Variants in NOL10 observed in about 807,000 individuals in gnomAD.
The protein encoded by NOL10 is H_NH0074G24.1.
A neutral mutation model predicts 103.5 loss-of-function variants in NOL10; 58 were observed. The observed-to-expected ratio is 0.56, with a 90% CI of 0.45 to 0.70. NOL10 has a LOEUF of 0.70. Ranked by LOEUF, NOL10 falls within the 30% of genes least tolerant of loss-of-function variation. The pLI, the probability that NOL10 is intolerant of heterozygous loss-of-function variation, is 0.00. For missense variants in NOL10, 763 were observed against 807.3 expected (o/e 0.95, Z 0.67); for synonymous variants, 287 against 282.5 (o/e 1.02, Z -0.16).
intron 1 of NOL10, 57 bp from the exon 2 acceptor site, chr2:10,684,669 G>C (rs1315424500): frequency 3.1e-5 from 43 of 1,385,656 alleles, no homozygotes; most frequent in Non-Finnish European, 4.3e-5. Context: ...TTGTTTTTCG[G>C]CTTGCAAAAT....
intron 19 of NOL10, among the ~76,000 whole-genome samples, chr2:10,586,135 G>C (rs1417928348): frequency 6.6e-6 from 1 of 152,218 alleles, no homozygotes; most frequent in Non-Finnish European, 1.5e-5. Context: ...GTAAATGTGG[G>C]GTGACTGCCC....
chr2:10,677,112 T>A (rs565647690), intron 3 of NOL10, among the ~76,000 whole-genome samples: 82 of 152,112 alleles, frequency 5.4e-4, no homozygotes, highest in African/African-American at 1.8e-3. Flanking sequence ...CTAATTTTTG[T>A]ATTTTTAGTA....
At chr2:10,674,459 G>A (rs957362514) in intron 4 of NOL10, among the ~76,000 whole-genome samples, 1 of 152,168 alleles carries the variant, frequency 6.6e-6, no homozygotes, top group African/African-American at 2.4e-5. Flanking sequence ...AGTGTGGGTA[G>A]AAACTGTGAA....
At chr2:10,654,443 T>C (rs776060435) in intron 12 of NOL10, 38 bp downstream of exon 12, 4 of 1,392,656 alleles carry the variant, frequency 2.9e-6, no homozygotes, top group Non-Finnish European at 4.0e-6. Context: ...ATGCATCTTT[T>C]TATTTGTCTC....
chr2:10,689,157 T>G (rs1316392913), intron 1 of NOL10, among the ~76,000 whole-genome samples: 1 of 152,158 alleles, frequency 6.6e-6, no homozygotes, highest in Admixed American at 6.6e-5. Flanking sequence ...GCTGGACAAG[T>G]CACCCTTCCC....
intron 13 of NOL10, among the ~76,000 whole-genome samples, chr2:10,625,838 A>G (rs1677424500): frequency 6.6e-6 from 1 of 152,052 alleles, no homozygotes; most frequent in Non-Finnish European, 1.5e-5. Flanking sequence ...TTTCTCCTCT[A>G]ACCAATGAGA....
At chr2:10,658,714 T>C (rs956760712) in intron 10 of NOL10, among the ~76,000 whole-genome samples, 1 of 152,198 alleles carries the variant, frequency 6.6e-6, no homozygotes, top group African/African-American at 2.4e-5. Context: ...TCTGGCAGAC[T>C]CCCAAGACTG....
chr2:10,689,675 G>A (rs964240681), intron 1 of NOL10, 121 bp downstream of exon 1: 6 of 991,102 alleles, frequency 6.1e-6, no homozygotes, highest in Non-Finnish European at 9.0e-6. Context: ...GGGCCTCCCC[G>A]AGTCGGGGGG....
chr2:10,687,745 T>C (rs1682316391), intron 1 of NOL10, among the ~76,000 whole-genome samples: 1 of 152,024 alleles, frequency 6.6e-6, no homozygotes, highest in Non-Finnish European at 1.5e-5. Context: ...GATCACAAGA[T>C]CAGATCGAGA....
chr2:10,606,433 C>A (rs1572276744), intron 14 of NOL10, among the ~76,000 whole-genome samples: 1 of 151,550 alleles, frequency 6.6e-6, no homozygotes. Flanking sequence ...AAGACCAGCC[C>A]GGCCAACATG....
chr2:10,600,137 A>G (rs1157698601), intron 17 of NOL10, among the ~76,000 whole-genome samples: 1 of 152,170 alleles, frequency 6.6e-6, no homozygotes, highest in African/African-American at 2.4e-5. Flanking sequence ...GCACATAACC[A>G]AGCTTGGCTA....
intron 6 of NOL10, 140 bp downstream of exon 6, chr2:10,671,414 T>TC (rs1354877154): frequency 1.5e-6 from 1 of 675,874 alleles, no homozygotes; most frequent in African/African-American, 1.9e-5. Flanking sequence ...CTTTTCTTTT[T>TC]TTTTTTTTTT....
rs564604458 is a variant in NOL10, at chr2:10,627,511, C to T, written c.1026+16809G>A. ...TAACACAGTGAAACCCCGTCTCTAC[C>T]AAAAATACAAAAAATTAGTCGGGCG... On this transcript the variant is annotated intron_variant, in intron 13 of 20. Coordinates refer to ENST00000381685, the MANE Select transcript of NOL10 (RefSeq NM_024894.4). 2.0e-4 allele frequency among the ~76,000 whole-genome samples: 30 copies of T among 151,716 alleles called. No individual in the cohort carries two copies. In the South Asian group the frequency reaches 3.7e-3, roughly 19 times the overall value.
chr2:10,673,666 T>A (rs887030452), intron 4 of NOL10, 109 bp from the exon 5 acceptor site: 2 of 625,382 alleles, frequency 3.2e-6, no homozygotes, highest in African/African-American at 1.9e-5. Flanking sequence ...TACATACCAG[T>A]TTTTTTCTGC....
chr2:10,611,695 C>T (rs1315516667), intron 13 of NOL10, among the ~76,000 whole-genome samples: 3 of 152,236 alleles, frequency 2.0e-5, no homozygotes, highest in African/African-American at 4.8e-5. Context: ...GTGGGCGGAT[C>T]GCCTGAGGTC....
chr2:10,589,749 A>C lies in NOL10; in HGVS notation c.1425T>G (p.Ser475Arg). The C allele has an allele frequency of 6.6e-7, 1 of 1,509,030 alleles. No individual in the cohort carries two copies. The highest frequency in any genetic ancestry group is 8.8e-7 in the Non-Finnish European group (1 of 1,132,390). 93.5% of individuals were successfully genotyped at this position (1,509,030 alleles called of 1,614,324 possible). The change falls in exon 18 of 21, where the codon AGT becomes AGG. Residue 475 changes from serine (S) to arginine (R), a missense_variant and splice_region_variant. Physicochemically the swap from Ser to Arg is moderately radical, Grantham distance 110 (BLOSUM62 -1). Coordinates refer to ENST00000381685, the MANE Select transcript of NOL10 (RefSeq NM_024894.4). ...GATCATCGGTGAGAATATTAGGAAGACTCTACAAGGAGGAAAAAGTACGTA... is the reference window on the plus strand; with the variant it reads ...GATCATCGGTGAGAATATTAGGAAGCCTCTACAAGGAGGAAAAAGTACGTA... Reference protein sequence around the residue: ...QKSTWKKKVKSLPNILTDDRF... With the variant: ...QKSTWKKKVKRLPNILTDDRF...
chr2:10,662,558 G>A (rs1680279659), intron 9 of NOL10, among the ~76,000 whole-genome samples: 1 of 151,990 alleles, frequency 6.6e-6, no homozygotes, highest in Non-Finnish European at 1.5e-5. Context: ...TCTTCTGATT[G>A]GTTTAAATGT....
At chr2:10,665,367 CCT>C (rs1301735630) in intron 8 of NOL10, among the ~76,000 whole-genome samples, 11 of 152,138 alleles carry the variant, frequency 7.2e-5, no homozygotes, top group South Asian at 2.1e-4. Flanking sequence ...CCAAACCTCC[CCT>C]CTTAGGCACT....
chr2:10,671,990 T>C (rs1302840840), intron 5 of NOL10, among the ~76,000 whole-genome samples: 1 of 152,194 alleles, frequency 6.6e-6, no homozygotes, highest in Non-Finnish European at 1.5e-5. Flanking sequence ...AGCACTCTCA[T>C]GGTACCCTCA....
Sources: gnomAD v4.1 joint callset for allele counts (sites outside exome capture counted in the v4.1 genomes callset) on GRCh38, gnomAD v4.1.1 for gene constraint, MANE v1.5 for transcripts, NCBI Gene and HGNC (gene_info 2026-07-23, HGNC 2026-07-21) for gene names.